The following KSR2 variants were observed in gnomAD, a reference collection of about 807,000 sequenced individuals.
The protein encoded by KSR2 is kinase suppressor of ras 2.
KSR2 carries 25 observed loss-of-function variants against 107.8 expected under a neutral mutation model. The ratio of observed to expected loss-of-function variants is 0.23; its 90% CI spans 0.17 to 0.32. KSR2 has a LOEUF of 0.32. KSR2 is among the 10% of genes least tolerant of loss of function. KSR2 has a pLI of 1.00. For missense variants in KSR2, 887 were observed against 1,268.9 expected, an observed-to-expected ratio of 0.70 and a Z score of 4.57; for synonymous variants, 480 against 507.0, an observed-to-expected ratio of 0.95 and a Z score of 0.71.
intron 3 of KSR2, among the ~76,000 whole-genome samples, chr12:117,850,348 G>A (rs1312640707): frequency 6.6e-6 from 1 of 152,198 alleles, no homozygotes; most frequent in Non-Finnish European, 1.5e-5. Flanking sequence ...CTGGGGAAGA[G>A]CAGGGATTCA....
At chr12:117,580,377 A>G (rs1203178651) in intron 6 of KSR2, among the ~76,000 whole-genome samples, 1 of 152,192 alleles carries the variant, frequency 6.6e-6, no homozygotes, top group African/African-American at 2.4e-5. Context: ...AGAATTTGGC[A>G]GCTCTGGGGA....
chr12:117,682,553 G>A (rs1885411630), intron 4 of KSR2, among the ~76,000 whole-genome samples: 1 of 151,954 alleles, frequency 6.6e-6, no homozygotes, highest in African/African-American at 2.4e-5. Context: ...AAGTAACTGG[G>A]AATACAGGTG....
At chr12:117,479,039 T>C (rs1479714765) in intron 16 of KSR2, among the ~76,000 whole-genome samples, 1 of 152,192 alleles carries the variant, frequency 6.6e-6, no homozygotes, top group Non-Finnish European at 1.5e-5. Flanking sequence ...TGAATGACGC[T>C]CCAAGAGTTT....
At chr12:117,622,122 G>T (rs1214952032) in intron 5 of KSR2, among the ~76,000 whole-genome samples, 1 of 151,994 alleles carries the variant, frequency 6.6e-6, no homozygotes, top group Non-Finnish European at 1.5e-5. Context: ...GGGAGAATTT[G>T]AGACCATTTT....
chr12:117,767,284 G>A (rs1249465640), intron 3 of KSR2, among the ~76,000 whole-genome samples: 1 of 150,740 alleles, frequency 6.6e-6, no homozygotes, highest in African/African-American at 2.4e-5. Flanking sequence ...AAATAGCCGG[G>A]CGTGGTGGCG....
intron 1 of KSR2, among the ~76,000 whole-genome samples, chr12:117,896,142 A>G (rs1894503131): frequency 6.6e-6 from 1 of 152,248 alleles, no homozygotes; most frequent in South Asian, 2.1e-4. Flanking sequence ...CAACAAATGA[A>G]TGGATAAATA....
At chr12:117,529,404 C>T (rs1045991378) in intron 12 of KSR2, among the ~76,000 whole-genome samples, 15 of 152,078 alleles carry the variant, frequency 9.9e-5, no homozygotes, top group South Asian at 4.2e-4. Context: ...TTAATATAGA[C>T]GGGGTTTCAC....
chr12:117,595,499 G>C (rs535779006), intron 5 of KSR2, among the ~76,000 whole-genome samples: 12 of 151,748 alleles, frequency 7.9e-5, no homozygotes, highest in South Asian at 6.3e-4. Flanking sequence ...TGAGTAGCTG[G>C]GACTACAGGC....
intron 4 of KSR2, among the ~76,000 whole-genome samples, chr12:117,721,555 A>C (rs527346488): frequency 1.3e-5 from 2 of 152,322 alleles, no homozygotes; most frequent in Non-Finnish European, 2.9e-5. Context: ...CAGAGCTGAG[A>C]TCAAACTCCT....
chr12:117,869,733 G>C (rs146470988), intron 1 of KSR2, among the ~76,000 whole-genome samples: 1 of 152,144 alleles, frequency 6.6e-6, no homozygotes, highest in African/African-American at 2.4e-5. Flanking sequence ...GGATTCCTTT[G>C]ATACCTGGGT....
At chr12:117,708,708 G>A (rs1214144031) in intron 4 of KSR2, among the ~76,000 whole-genome samples, 1 of 152,158 alleles carries the variant, frequency 6.6e-6, no homozygotes, top group Non-Finnish European at 1.5e-5. Flanking sequence ...AATACTGATT[G>A]TTTCAATGTG....
chr12:117,688,416 A>ACTCAATTTTTT (rs1885675708), intron 4 of KSR2, among the ~76,000 whole-genome samples: 1 of 152,176 alleles, frequency 6.6e-6, no homozygotes, highest in African/African-American at 2.4e-5. Context: ...TCACTAAATC[A>ACTCAATTTTTT]GACTAAGTAC....
intron 5 of KSR2, among the ~76,000 whole-genome samples, chr12:117,590,019 T>C (rs1880229260): frequency 6.6e-6 from 1 of 152,212 alleles, no homozygotes; most frequent in Non-Finnish European, 1.5e-5. Flanking sequence ...CAGAGGGGAC[T>C]GACAGTGATA....
intron 3 of KSR2, among the ~76,000 whole-genome samples, chr12:117,777,983 T>C (rs1593227052): frequency 6.6e-6 from 1 of 152,162 alleles, no homozygotes; most frequent in East Asian, 1.9e-4. Flanking sequence ...CAGTAAGCCA[T>C]GATTGTGGTA....
At chr12:117,510,649 G>C (rs1432833526) in intron 14 of KSR2, among the ~76,000 whole-genome samples, 1 of 152,194 alleles carries the variant, frequency 6.6e-6, no homozygotes, top group Non-Finnish European at 1.5e-5. Context: ...GGCCAAGGCA[G>C]GTAGGTTGCT....
At chr12:117,866,871 C>T (rs112105420) in intron 1 of KSR2, among the ~76,000 whole-genome samples, 8 of 152,002 alleles carry the variant, frequency 5.3e-5, no homozygotes, top group South Asian at 2.1e-4. Context: ...AAAGAAAATA[C>T]ACAGATATGG....
At chr12:117,511,200 C>G (rs980446171) in intron 14 of KSR2, among the ~76,000 whole-genome samples, 1 of 152,252 alleles carries the variant, frequency 6.6e-6, no homozygotes, top group East Asian at 1.9e-4. Flanking sequence ...GGTGACCACT[C>G]GGCTTCTGTT....
At chr12:117,668,245 C>T (rs186334151) in intron 4 of KSR2, among the ~76,000 whole-genome samples, 37 of 152,366 alleles carry the variant, frequency 2.4e-4, no homozygotes, top group African/African-American at 8.7e-4. Context: ...CACAGTGCCT[C>T]TTCTGGAAAT....
At chr12:117,709,631 T>C (rs1886673689) in intron 4 of KSR2, among the ~76,000 whole-genome samples, 2 of 152,220 alleles carry the variant, frequency 1.3e-5, no homozygotes, top group Admixed American at 6.5e-5. Flanking sequence ...CTCTGTTTTA[T>C]CTACTTCAGT....
Sources: gnomAD v4.1 joint callset for allele counts (sites outside exome capture counted in the v4.1 genomes callset) on GRCh38, gnomAD v4.1.1 for gene constraint, MANE v1.5 for transcripts, NCBI Gene and HGNC (gene_info 2026-07-23, HGNC 2026-07-21) for gene names.